The following SLCO5A1 variants were observed in gnomAD, a reference collection of about 807,000 sequenced individuals.
The protein encoded by SLCO5A1 is organic anion transporter polypeptide-related protein 4.
SLCO5A1 carries 39 observed loss-of-function variants against 65.1 expected under a neutral mutation model. That is an observed-to-expected ratio of 0.60 (90% CI 0.46 to 0.78). The LOEUF (loss-of-function observed/expected upper bound fraction) is 0.78. Ranked by LOEUF, SLCO5A1 falls within the 30% of genes least tolerant of loss-of-function variation. The pLI, the probability that SLCO5A1 is intolerant of heterozygous loss-of-function variation, is 0.00. For missense variants in SLCO5A1, 1,029 were observed against 1,069.4 expected (o/e 0.96, Z 0.53); for synonymous variants, 438 against 415.7 (o/e 1.05, Z -0.65).
chr8:69,710,058 G>A (rs1256364094), intron 5 of SLCO5A1, among the ~76,000 whole-genome samples: 2 of 124,786 alleles, frequency 1.6e-5, no homozygotes, highest in African/African-American at 6.3e-5. Context: ...CACTCTTGTC[G>A]CCCAGGCTAG....
intron 2 of SLCO5A1, among the ~76,000 whole-genome samples, chr8:69,825,335 A>G (rs1820828491): frequency 1.3e-5 from 2 of 152,184 alleles, no homozygotes; most frequent in African/African-American, 2.4e-5. Context: ...GAGGAAGTCA[A>G]ATTGTCCCTG....
chr8:69,791,699 C>T (rs1222514338), intron 2 of SLCO5A1, among the ~76,000 whole-genome samples: 3 of 152,176 alleles, frequency 2.0e-5, no homozygotes, highest in Admixed American at 6.5e-5. Context: ...TCCAGTGTGA[C>T]AGCATCCAGG....
chr8:69,813,338 CA>C (rs1393278715), intron 2 of SLCO5A1, among the ~76,000 whole-genome samples: 1 of 152,174 alleles, frequency 6.6e-6, no homozygotes, highest in African/African-American at 2.4e-5. Context: ...GGAGCTGTAC[CA>C]TTCCATTTCA....
intron 2 of SLCO5A1, among the ~76,000 whole-genome samples, chr8:69,809,709 T>A (rs541201974): frequency 7.2e-5 from 11 of 151,872 alleles, no homozygotes; most frequent in African/African-American, 2.7e-4. Flanking sequence ...TGTATGGAAA[T>A]ACAGCTACCG....
intron 5 of SLCO5A1, among the ~76,000 whole-genome samples, chr8:69,724,730 T>C (rs1219859958): frequency 6.6e-6 from 1 of 152,178 alleles, no homozygotes; most frequent in Non-Finnish European, 1.5e-5. Context: ...CCTGGCCATA[T>C]TTAAGGGCCA....
At chr8:69,738,806 G>A (rs1816677603) in intron 4 of SLCO5A1, among the ~76,000 whole-genome samples, 1 of 152,202 alleles carries the variant, frequency 6.6e-6, no homozygotes, top group African/African-American at 2.4e-5. Context: ...AAAGAGGAAG[G>A]AGAGCTGAAA....
intron 2 of SLCO5A1, among the ~76,000 whole-genome samples, chr8:69,806,254 C>A (rs1291050240): frequency 6.6e-6 from 1 of 152,212 alleles, no homozygotes; most frequent in East Asian, 1.9e-4. Context: ...ACATCAATTC[C>A]TCTTAATGAT....
At chr8:69,779,335 T>G (rs550803605) in intron 2 of SLCO5A1, among the ~76,000 whole-genome samples, 1 of 152,214 alleles carries the variant, frequency 6.6e-6, no homozygotes, top group African/African-American at 2.4e-5. Flanking sequence ...CTATAAAGTT[T>G]ATAGTTTTAA....
At chr8:69,758,749 G>A (rs1817632770) in intron 3 of SLCO5A1, among the ~76,000 whole-genome samples, 1 of 152,070 alleles carries the variant, frequency 6.6e-6, no homozygotes, top group Admixed American at 6.5e-5. Flanking sequence ...ATGCTAAAGA[G>A]GACTCTGAGA....
intron 2 of SLCO5A1, 68 bp from the exon 3 acceptor site, chr8:69,761,943 T>G (rs1563707740): frequency 3.2e-6 from 5 of 1,566,894 alleles, no homozygotes; most frequent in Non-Finnish European, 4.3e-6. Context: ...TTCTCTCATT[T>G]CACTCTCATA....
At chr8:69,819,311 T>C in intron 2 of SLCO5A1, among the ~76,000 whole-genome samples, 1 of 147,002 alleles carries the variant, frequency 6.8e-6, no homozygotes. Context: ...ATTCCTGGCA[T>C]AAGTACCACC....
intron 6 of SLCO5A1, among the ~76,000 whole-genome samples, chr8:69,686,448 T>C (rs1718693355): frequency 6.6e-6 from 1 of 152,194 alleles, no homozygotes; most frequent in South Asian, 2.1e-4. Context: ...AATATTATTA[T>C]CATCGTCATA....
At chr8:69,753,679 TCTCC>T (rs1413617923) in intron 4 of SLCO5A1, among the ~76,000 whole-genome samples, 2 of 152,156 alleles carry the variant, frequency 1.3e-5, no homozygotes, top group Non-Finnish European at 2.9e-5. Context: ...TGACTTTATT[TCTCC>T]CTTTGAGTCT....
chr8:69,737,837 G>T (rs950328704), intron 5 of SLCO5A1, among the ~76,000 whole-genome samples: 6 of 152,126 alleles, frequency 3.9e-5, no homozygotes, highest in African/African-American at 2.4e-5. Context: ...CCAAAACACA[G>T]TTGGGAAATG....
chr8:69,761,666 T>A, intron 3 of SLCO5A1, 77 bp downstream of exon 3: 2 of 1,518,964 alleles, frequency 1.3e-6, no homozygotes, highest in Non-Finnish European at 1.8e-6. Context: ...ATTGGAAAAA[T>A]TTTAAATACA....
intron 6 of SLCO5A1, among the ~76,000 whole-genome samples, chr8:69,683,671 G>A (rs370085644): frequency 6.6e-6 from 1 of 151,318 alleles, no homozygotes; most frequent in Non-Finnish European, 1.5e-5. Context: ...CAAGCAATTC[G>A]CCTGCCTCAG....
chr8:69,807,078 C>T (rs1820025036), intron 2 of SLCO5A1, among the ~76,000 whole-genome samples: 1 of 152,172 alleles, frequency 6.6e-6, no homozygotes, highest in Admixed American at 6.5e-5. Context: ...ATCATATTAC[C>T]CAATTTCAAA....
intron 6 of SLCO5A1, among the ~76,000 whole-genome samples, chr8:69,692,162 T>C (rs1030296196): frequency 1.1e-4 from 16 of 152,070 alleles, no homozygotes; most frequent in Non-Finnish European, 2.9e-5. Flanking sequence ...GGCAGGAGAA[T>C]GGCATGAACC....
rs944825006 is a variant in SLCO5A1, at chr8:69,669,903, C to A, written c.*2966G>T. On this transcript the variant is annotated 3_prime_UTR_variant, in exon 10 of 10. Coordinates refer to ENST00000260126, the MANE Select transcript of SLCO5A1 (RefSeq NM_030958.3). ...TATATTAAGTGCTTGTCAAAATGCT[C>A]TACAAATCGTCAACACTCAACAAAT... 1 of 152,096 alleles carries A rather than the reference C, an allele frequency of 6.6e-6. No homozygotes were observed. Among genetic ancestry groups the A allele is most frequent in the Non-Finnish European group, 1.5e-5 (1 of 68,030 alleles). 9.4% of individuals were successfully genotyped at this position (152,096 alleles called of 1,614,324 possible).
Sources: gnomAD v4.1 joint callset for allele counts (sites outside exome capture counted in the v4.1 genomes callset) on GRCh38, gnomAD v4.1.1 for gene constraint, MANE v1.5 for transcripts, NCBI Gene and HGNC (gene_info 2026-07-23, HGNC 2026-07-21) for gene names.